DAB1: variants seen among roughly 807,000 people sequenced by gnomAD.
DAB1 encodes DAB adaptor protein 1, also known as disabled homolog 1.
A neutral mutation model predicts 64.6 loss-of-function variants in DAB1; 15 were observed. The ratio of observed to expected loss-of-function variants is 0.23; its 90% confidence interval spans 0.16 to 0.36. The LOEUF is 0.36. Among genes scored for constraint, DAB1 ranks in the 10% least tolerant of loss-of-function variants. The probability of loss-of-function intolerance (pLI) is 1.00; values close to 1 mark genes in which losing one functional copy is unlikely to be tolerated. For synonymous variants in DAB1, 235 were observed against 251.9 expected (o/e 0.93, Z 0.64); for missense variants, 596 against 706.7 (o/e 0.84, Z 1.78).
intron 7 of DAB1, among the ~76,000 whole-genome samples, chr1:57,582,761 C>G (rs970928373): frequency 2.0e-5 from 3 of 152,196 alleles, no homozygotes; most frequent in African/African-American, 7.2e-5. Flanking sequence ...ATGACAAGAT[C>G]CTGACTTGGT....
At chr1:57,476,906 C>A (rs561121165) in intron 7 of DAB1, among the ~76,000 whole-genome samples, 1 of 152,302 alleles carries the variant, frequency 6.6e-6, no homozygotes, top group African/African-American at 2.4e-5. Context: ...GACCACTTGG[C>A]ACCTGTGCAA....
chr1:58,117,051 A>G (rs1009073605), intron 5 of DAB1, among the ~76,000 whole-genome samples: 2 of 152,190 alleles, frequency 1.3e-5, no homozygotes, highest in African/African-American at 4.8e-5. Flanking sequence ...TGCTCCTCAA[A>G]AATGCTCTGT....
chr1:58,102,263 C>A (rs970236651), intron 5 of DAB1, among the ~76,000 whole-genome samples: 1 of 152,120 alleles, frequency 6.6e-6, no homozygotes, highest in African/African-American at 2.4e-5. Context: ...GCATTCCTGT[C>A]CTGTTGAATA....
intron 1 of DAB1, among the ~76,000 whole-genome samples, chr1:57,346,838 T>C (rs1215066652): frequency 1.3e-5 from 2 of 152,210 alleles, no homozygotes; most frequent in Non-Finnish European, 2.9e-5. Flanking sequence ...CTCCATACTA[T>C]CTGAATTTGT....
intron 5 of DAB1, among the ~76,000 whole-genome samples, chr1:57,951,979 C>A (rs1472903702): frequency 6.6e-6 from 1 of 152,094 alleles, no homozygotes; most frequent in Non-Finnish European, 1.5e-5. Flanking sequence ...GAAGTCATTC[C>A]GCTTATACAG....
chr1:58,162,360 T>C (rs543393708), intron 4 of DAB1, among the ~76,000 whole-genome samples: 1 of 152,322 alleles, frequency 6.6e-6, no homozygotes, highest in Admixed American at 6.5e-5. Context: ...CTATTCTTTT[T>C]TTCCTTCTGT....
chr1:58,459,241 T>A (rs889855879), intron 3 of DAB1, among the ~76,000 whole-genome samples: 1 of 152,238 alleles, frequency 6.6e-6, no homozygotes, highest in Non-Finnish European at 1.5e-5. Flanking sequence ...CCTAGGATCT[T>A]AAAACAATAA....
intron 6 of DAB1, among the ~76,000 whole-genome samples, chr1:57,813,034 T>TA (rs1408935131): frequency 6.6e-6 from 1 of 152,204 alleles, no homozygotes; most frequent in Non-Finnish European, 1.5e-5. Flanking sequence ...TATGTGTGAA[T>TA]ACACACACAT....
At chr1:58,226,414 G>C (rs1346988931) in intron 4 of DAB1, among the ~76,000 whole-genome samples, 1 of 151,434 alleles carries the variant, frequency 6.6e-6, no homozygotes. Context: ...AAAAAACTCA[G>C]AGAGGTTCAC....
Position 57,031,699 on chromosome 1 carries a change from C to T in DAB1, c.724-5656G>A, listed in dbSNP as rs145856070. ...GTTAGCCTTGCTAAATAGTGGAAGT[C>T]CAGCTCTACAACATTCTCTAACCAG... On this transcript the variant is annotated intron_variant, in intron 9 of 14. Transcript: ENST00000371236. Among the ~76,000 whole-genome samples, 800 of 152,344 alleles carry T rather than the reference C, an allele frequency of 5.3e-3. 7 individuals are homozygous for T. Among genetic ancestry groups the T allele is most frequent in the African/African-American group, 0.017 (710 of 41,578 alleles).
chr1:57,375,093 C>T (rs1298015658), intron 1 of DAB1, among the ~76,000 whole-genome samples: 1 of 152,138 alleles, frequency 6.6e-6, no homozygotes, highest in Non-Finnish European at 1.5e-5. Flanking sequence ...CTCTCTGTCC[C>T]TGGCTGTGCA....
In DAB1 at chr1:57,441,542, C is replaced by T. The variant is rs189035386; in HGVS notation, n.626-150376G>A. ...CCTAATTTTTGTATTTTTGTAGAGA[C>T]GGGGCTTTTCCATGTTGTCCAGGCT... On this transcript the variant is annotated intron_variant and non_coding_transcript_variant, in intron 7 of 20. Transcript: ENST00000485760. 3.2e-3 allele frequency among the ~76,000 whole-genome samples: 489 copies of T among 151,866 alleles called. 4 individuals carry two copies. Among genetic ancestry groups the T allele is most frequent in the Middle Eastern group, 0.024 (7 of 294 alleles).
At chr1:58,276,526 A>C (rs992543643) in intron 4 of DAB1, among the ~76,000 whole-genome samples, 1 of 152,170 alleles carries the variant, frequency 6.6e-6, no homozygotes, top group East Asian at 1.9e-4. Flanking sequence ...GTGTGTGTAA[A>C]GCATATGGGG....
chr1:57,988,883 G>A (rs1395676944), intron 5 of DAB1, among the ~76,000 whole-genome samples: 1 of 152,120 alleles, frequency 6.6e-6, no homozygotes, highest in African/African-American at 2.4e-5. Flanking sequence ...GGGTAGCTAA[G>A]AGGCAAAGCA....
chr1:57,794,911 A>C (rs1422077215), intron 6 of DAB1, among the ~76,000 whole-genome samples: 2 of 152,240 alleles, frequency 1.3e-5, no homozygotes, highest in Non-Finnish European at 2.9e-5. Flanking sequence ...GCAGGAATCA[A>C]GATCTCAGGG....
At position 57,959,772 on chromosome 1, in the gene DAB1, G is replaced by A. The variant is rs576738098; in HGVS notation, n.388-75610C>T. On this transcript the variant is annotated intron_variant and non_coding_transcript_variant, in intron 5 of 20. Coordinates refer to the DAB1 transcript ENST00000485760. ...TCTTCAACACATTCAGGCTGGGATC[G>A]GTTTCCTAAATGCCTTTATGCTTTG... Among the ~76,000 whole-genome samples, 67 of 152,226 alleles carry A rather than the reference G, an allele frequency of 4.4e-4. No homozygotes were observed. In the South Asian group the frequency reaches 0.012, roughly 27 times the overall value.
At chr1:57,590,422 C>T (rs972536781) in intron 7 of DAB1, among the ~76,000 whole-genome samples, 14 of 151,926 alleles carry the variant, frequency 9.2e-5, no homozygotes, top group Non-Finnish European at 2.9e-5. Flanking sequence ...CGGTTTCAAG[C>T]GATTCTCCTG....
chr1:57,078,880 A>T (rs546527359), intron 4 of DAB1, among the ~76,000 whole-genome samples: 1 of 152,348 alleles, frequency 6.6e-6, no homozygotes, highest in East Asian at 1.9e-4. Context: ...CTTGAGTACA[A>T]AATATTCCCT....
chr1:57,723,857 G>A (rs1388170285), intron 6 of DAB1, among the ~76,000 whole-genome samples: 1 of 152,122 alleles, frequency 6.6e-6, no homozygotes, highest in African/African-American at 2.4e-5. Context: ...TGTTAAAATG[G>A]CAGATGAGTG....
Sources: allele counts gnomAD v4.1 joint callset (sites outside exome capture counted in the v4.1 genomes callset), GRCh38; gene constraint gnomAD v4.1.1; transcripts MANE v1.5; gene names NCBI Gene and HGNC (gene_info 2026-07-23, HGNC 2026-07-21).